The following RPL13A variants were observed in gnomAD, a reference collection of about 807,000 sequenced individuals.
The protein encoded by RPL13A is ribosomal protein L13a.
In RPL13A, 4 loss-of-function variants were observed where a neutral mutation model predicts 30.8. That is an observed-to-expected ratio of 0.13 (90% CI 0.06 to 0.30). The LOEUF (loss-of-function observed/expected upper bound fraction) is 0.30, where lower values mean the gene tolerates loss of function less well. Among genes scored for constraint, RPL13A ranks in the 10% least tolerant of loss-of-function variants. The pLI is 1.00. For synonymous variants in RPL13A, 108 were observed against 104.2 expected (o/e 1.04, Z -0.22); for missense variants, 196 against 272.6 (o/e 0.72, Z 1.98).
At chr19:49,489,758 G>GGCACGGTA in intron 1 of RPL13A, 92 bp from the exon 2 acceptor site, 1 of 1,047,658 alleles carries the variant, frequency 9.5e-7, no homozygotes, top group East Asian at 2.4e-5. Context: ...GCACGCTGTT[G>GGCACGGTA]GCACGGTAGG....
In RPL13A at chr19:49,492,051, A is replaced by G. The variant is rs968386095; in HGVS notation, c.*236A>G. ...CCAATAGGAAGAGCAACCAGTTACT[A>G]TGAGTGAAAGGGAGCCAGAAGACTG... is the stretch of plus-strand genomic sequence containing the variant. On this transcript the variant is annotated 3_prime_UTR_variant, in exon 8 of 8. Transcript: ENST00000391857. 8 of 492,476 alleles carry G rather than the reference A, an allele frequency of 1.6e-5. No individual in the cohort carries two copies. The highest frequency in any genetic ancestry group is 9.7e-5 in the African/African-American group (5 of 51,326). 30.5% of individuals were successfully genotyped at this position (492,476 alleles called of 1,614,324 possible).
chr19:49,489,870 A>T lies in RPL13A; in HGVS notation c.36A>T (p.Arg12=), dbSNP rs147747938. The change falls in exon 2 of 8, where the codon CGA becomes CGT. Residue 12 remains arginine, a synonymous_variant. Coordinates refer to ENST00000391857, the MANE Select transcript of RPL13A (RefSeq NM_012423.4). The stretch of plus-strand genomic sequence containing the variant: ...CACAGGTCCTGGTGCTTGATGGTCG[A>T]GGCCATCTCCTGGGCCGCCTGGCGG... ...AEVQVLVLDG[R]GHLLGRLAAI... is the part of the protein sequence containing the mutation. 6.2e-7 allele frequency: 1 copy of T among 1,614,092 alleles called. No homozygotes were observed. Among genetic ancestry groups the T allele is most frequent in the Non-Finnish European group, 8.5e-7 (1 of 1,179,902 alleles).
intron 3 of RPL13A, 68 bp downstream of exon 3, chr19:49,490,365 T>C: frequency 1.3e-6 from 2 of 1,593,756 alleles, no homozygotes; most frequent in Non-Finnish European, 8.6e-7. Flanking sequence ...CTGAAAGCAA[T>C]TGCAGCCGTG....
intron 1 of RPL13A, 137 bp from the exon 2 acceptor site, chr19:49,489,713 G>C (rs1166301541): frequency 1.4e-6 from 1 of 740,504 alleles, no homozygotes; most frequent in Non-Finnish European, 2.4e-6. Flanking sequence ...ACGGGGCTCC[G>C]TGCATAGTTC....
At chr19:49,491,597 C>T (rs2079872009) in intron 7 of RPL13A, 50 bp downstream of exon 7, 19 of 1,555,762 alleles carry the variant, frequency 1.2e-5, no homozygotes, top group Non-Finnish European at 1.6e-5. Context: ...CTGGACAGGC[C>T]TGGCAGGTGC....
intron 1 of RPL13A, 146 bp from the exon 2 acceptor site, chr19:49,489,704 C>A (rs745512941): frequency 3.4e-5 from 24 of 702,798 alleles, no homozygotes; most frequent in Non-Finnish European, 5.7e-5. Flanking sequence ...ATCTGTAGAA[C>A]GGGGCTCCGT....
chr19:49,487,882 G>A (rs1002890787), intron 1 of RPL13A, among the ~76,000 whole-genome samples: 1 of 152,162 alleles, frequency 6.6e-6, no homozygotes, highest in African/African-American at 2.4e-5. Context: ...TCCAGCACAG[G>A]ACAGGTATTT....
intron 1 of RPL13A, 45 bp from the exon 2 acceptor site, chr19:49,489,803 CAA>C: frequency 6.9e-7 from 1 of 1,454,872 alleles, no homozygotes; most frequent in Non-Finnish European, 9.7e-7. Context: ...TGAGGACAAT[CAA>C]AGGCTGTCCT....
chr19:49,487,771 T>G, intron 1 of RPL13A, 127 bp downstream of exon 1: 1 of 1,027,622 alleles, frequency 9.7e-7, no homozygotes, highest in Non-Finnish European at 1.4e-6. Context: ...AATGGAAGTC[T>G]TTTGGGATAA....
chr19:49,491,935 G>A lies in RPL13A; in HGVS notation c.*120G>A, dbSNP rs1360107909. ...TGCCACAGGCAGCCCTGGGACATAGGAAGCTGGGAGCAAGGAAAGGGTCTT... is the reference window on the plus strand; with the variant it reads ...TGCCACAGGCAGCCCTGGGACATAGAAAGCTGGGAGCAAGGAAAGGGTCTT... On this transcript the variant is annotated 3_prime_UTR_variant, in exon 8 of 8. Coordinates refer to ENST00000391857, the MANE Select transcript of RPL13A (RefSeq NM_012423.4). 2 of 747,242 alleles carry A rather than the reference G, an allele frequency of 2.7e-6. No individual in the cohort carries two copies. Among genetic ancestry groups the A allele is most frequent in the African/African-American group, 3.5e-5 (2 of 57,202 alleles). 46.3% of individuals were successfully genotyped at this position (747,242 alleles called of 1,614,324 possible).
In RPL13A at chr19:49,491,025, CTCTT is replaced by C. The variant is rs778619499; in HGVS notation, c.343-11_343-8del. On this transcript the variant is annotated splice_polypyrimidine_tract_variant and intron_variant, in intron 5 of 7. Transcript: ENST00000391857. ...GTCCCTCCCGGGCTCTTAAGCCCCT[CTCTT>C]TCTCTAACAGAAAAAGCGGATGGTG... The C allele has an allele frequency of 6.2e-7, 1 of 1,614,252 alleles. No individual in the cohort carries two copies. The highest frequency in any genetic ancestry group is 8.5e-7 in the Non-Finnish European group (1 of 1,180,032).
chr19:49,491,404 C>CCCCG, intron 6 of RPL13A, 21 bp from the exon 7 acceptor site: 1 of 132,616 alleles, frequency 7.5e-6, no homozygotes, highest in African/African-American at 9.9e-5. Flanking sequence ...ATTTGTTCAC[C>CCCCG]CCCCCCCCCC....
intron 1 of RPL13A, 37 bp downstream of exon 1, chr19:49,487,681 G>A (rs748119746): frequency 5.3e-6 from 8 of 1,504,632 alleles, no homozygotes; most frequent in South Asian, 2.6e-5. Flanking sequence ...GCAAGGGGCC[G>A]GGTGGGATCC....
intron 5 of RPL13A, 73 bp downstream of exon 5, chr19:49,490,937 G>A (rs777266264): frequency 1.2e-6 from 2 of 1,604,706 alleles, no homozygotes; most frequent in South Asian, 2.2e-5. Flanking sequence ...TACCTACATT[G>A]TTTGATCCTC....
At position 49,491,926 on chromosome 19, in the gene RPL13A, G is replaced by A; in HGVS notation, c.*111G>A. On this transcript the variant is annotated 3_prime_UTR_variant, in exon 8 of 8. Transcript: ENST00000391857. ...CAGTCCAGGTGCCACAGGCAGCCCTGGGACATAGGAAGCTGGGAGCAAGGA... is the reference window on the plus strand; with the variant it reads ...CAGTCCAGGTGCCACAGGCAGCCCTAGGACATAGGAAGCTGGGAGCAAGGA... 1 of 815,266 alleles carries A rather than the reference G, an allele frequency of 1.2e-6. No homozygotes were observed. The highest frequency in any genetic ancestry group is 1.5e-5 in the South Asian group (1 of 64,642). 50.5% of individuals were successfully genotyped at this position (815,266 alleles called of 1,614,324 possible). A position where few individuals can be genotyped will look rare whatever the true frequency, so the allele number is the denominator to read the frequency against.
chr19:49,488,084 G>A (rs2079825715), intron 1 of RPL13A, among the ~76,000 whole-genome samples: 1 of 152,180 alleles, frequency 6.6e-6, no homozygotes. Context: ...CAGTGCGCGG[G>A]CTACTTTGAT....
chr19:49,487,737 A>G (rs1023656491), intron 1 of RPL13A, 93 bp downstream of exon 1: 3 of 1,294,054 alleles, frequency 2.3e-6, no homozygotes, highest in Admixed American at 3.4e-5. Context: ...TGTTTTGCGG[A>G]GCTTAACATC....
chr19:49,492,226 A>C lies in RPL13A; in HGVS notation c.*411A>C, dbSNP rs2079878023. On this transcript the variant is annotated 3_prime_UTR_variant, in exon 8 of 8. Transcript: ENST00000391857. Reference sequence around the variant, plus strand: ...TTCTAGAAGCAGAAATAGACTGGGAAGATGCACAACCAAGGGGTTACAGGC... The same window carrying C: ...TTCTAGAAGCAGAAATAGACTGGGACGATGCACAACCAAGGGGTTACAGGC... 1 of 172,502 alleles carries C rather than the reference A, an allele frequency of 5.8e-6. No homozygotes were observed. Among genetic ancestry groups the C allele is most frequent in the South Asian group, 1.3e-4 (1 of 7,834 alleles). 10.7% of individuals were successfully genotyped at this position (172,502 alleles called of 1,614,324 possible). A position where few individuals can be genotyped will look rare whatever the true frequency, so the allele number is the denominator to read the frequency against.
At chr19:49,488,478 GCA>G (rs777708803) in intron 1 of RPL13A, among the ~76,000 whole-genome samples, 10 of 152,234 alleles carry the variant, frequency 6.6e-5, no homozygotes, top group Non-Finnish European at 1.0e-4. Context: ...TTTGTGCCTA[GCA>G]CAGTTCGCAA....
Sources: allele counts gnomAD v4.1 joint callset (sites outside exome capture counted in the v4.1 genomes callset), GRCh38; gene constraint gnomAD v4.1.1; transcripts MANE v1.5; gene names NCBI Gene and HGNC (gene_info 2026-07-23, HGNC 2026-07-21).